The following OR10D3 variants were observed in gnomAD, a reference collection of about 807,000 sequenced individuals.
OR10D3 encodes olfactory receptor family 10 subfamily D member 3, also known as olfactory receptor 10D3.
For synonymous variants in OR10D3, 100 were observed against 57.6 expected (o/e 1.74, Z -3.33); for missense variants, 286 against 153.7 (o/e 1.86, Z -4.55).
exon 2 of OR10D3, chr11:124,185,925 C>G (rs757704517): frequency 2.3e-5 from 16 of 703,132 alleles, no homozygotes; most frequent in Middle Eastern, 2.3e-4. Context: ...TTATCCTACA[C>G]TAGAATCACA....
exon 2 of OR10D3, chr11:124,185,583 A>G: frequency 1.4e-6 from 1 of 703,136 alleles, no homozygotes; most frequent in Non-Finnish European, 2.6e-6. Context: ...TTCTTCTTCC[A>G]TTTCCTCGGG....
exon 2 of OR10D3, chr11:124,185,582 C>T (rs1459582839): frequency 2.8e-6 from 2 of 703,534 alleles, no homozygotes; most frequent in South Asian, 3.0e-5. Context: ...TTTCTTCTTC[C>T]ATTTCCTCGG....
chr11:124,188,565 A>G (rs1048545672), exon 2 of OR10D3: 11 of 152,182 alleles, frequency 7.2e-5, no homozygotes, highest in Admixed American at 3.3e-4. Flanking sequence ...GCAGCTCACA[A>G]TCCTCTCTCT....
chr11:124,186,429 T>C, exon 2 of OR10D3: 1 of 386,132 alleles, frequency 2.6e-6, no homozygotes, highest in Non-Finnish European at 4.6e-6. Context: ...TATAGTCTTG[T>C]TTATTGTTAC....
chr11:124,184,763 T>C (rs1861200352), intron 1 of OR10D3, among the ~76,000 whole-genome samples: 1 of 152,218 alleles, frequency 6.6e-6, no homozygotes, highest in Non-Finnish European at 1.5e-5. Flanking sequence ...TATAAGTGTT[T>C]TGAACTGCAA....
exon 2 of OR10D3, chr11:124,186,252 T>C (rs1449399571): frequency 6.3e-6 from 4 of 634,246 alleles, no homozygotes; most frequent in Non-Finnish European, 1.1e-5. Context: ...TTCCTTTTGC[T>C]TTGACCTAAG....
exon 2 of OR10D3, chr11:124,185,792 G>T: frequency 1.4e-6 from 1 of 703,692 alleles, no homozygotes. Context: ...CAATGAAGTG[G>T]ATCACTTCTT....
chr11:124,186,387 A>C (rs1861226433), exon 2 of OR10D3: 2 of 481,104 alleles, frequency 4.2e-6, no homozygotes, highest in Admixed American at 7.4e-5. Flanking sequence ...TTTATTGTCT[A>C]GGTTCTGCCT....
chr11:124,186,032 A>G (rs1239727879), exon 2 of OR10D3: 2 of 703,436 alleles, frequency 2.8e-6, no homozygotes, highest in Admixed American at 2.0e-5. Context: ...CTATGGGCCC[A>G]TCATCACTGT....
chr11:124,183,520 T>G, intron 1 of OR10D3, 137 bp downstream of exon 1: 1 of 133,986 alleles, frequency 7.5e-6, no homozygotes, highest in African/African-American at 2.8e-5. Flanking sequence ...CCTTCCTTCC[T>G]TCCCTCCCTC....
chr11:124,188,405 A>C, exon 2 of OR10D3: 1 of 152,374 alleles, frequency 6.6e-6, no homozygotes, highest in East Asian at 1.9e-4. Flanking sequence ...CTTGAAAGAA[A>C]GCTCTGTCTC....
At chr11:124,183,568 C>CCCTCCT (rs1298552416) in intron 1 of OR10D3, among the ~76,000 whole-genome samples, 185 bp downstream of exon 1, 1 of 135,560 alleles carries the variant, frequency 7.4e-6, no homozygotes, top group Non-Finnish European at 1.6e-5. Context: ...CCTTCCCTCC[C>CCCTCCT]TCCCTCCCTC....
chr11:124,183,559 C>CG (rs1861187845), intron 1 of OR10D3, among the ~76,000 whole-genome samples, 176 bp downstream of exon 1: 1 of 130,608 alleles, frequency 7.7e-6, no homozygotes. Context: ...TCCTTCCCTC[C>CG]TTCCCTCCCT....
exon 2 of OR10D3, chr11:124,188,694 C>T (rs1009937764): frequency 2.0e-5 from 3 of 152,204 alleles, no homozygotes; most frequent in African/African-American, 7.2e-5. Flanking sequence ...CAGAGCCCCT[C>T]CCTGGCCCCA....
exon 2 of OR10D3, chr11:124,186,128 A>T: frequency 1.4e-6 from 1 of 703,044 alleles, no homozygotes; most frequent in Admixed American, 2.0e-5. Flanking sequence ...GAACCCTTTG[A>T]TCTATACCTT....
chr11:124,185,223 T>G (rs535587433), intron 1 of OR10D3, 36 bp from the exon 2 acceptor site: 1 of 658,662 alleles, frequency 1.5e-6, no homozygotes, highest in African/African-American at 1.8e-5. Context: ...AGCCAAGGCA[T>G]TCTTCCATGT....
chr11:124,185,135 T>G, intron 1 of OR10D3, 124 bp from the exon 2 acceptor site: 1 of 596,026 alleles, frequency 1.7e-6, no homozygotes, highest in Middle Eastern at 4.4e-4. Context: ...CAAGCAGCCT[T>G]TCCATAACTT....
At chr11:124,183,765 G>T (rs1861189836) in intron 1 of OR10D3, among the ~76,000 whole-genome samples, 2 of 151,988 alleles carry the variant, frequency 1.3e-5, no homozygotes, top group Admixed American at 1.3e-4. Flanking sequence ...GGAAAATTTG[G>T]AGTCCTCAGT....
At chr11:124,183,422 CTT>C (rs1284494360) in intron 1 of OR10D3, 39 bp downstream of exon 1, 4 of 75,876 alleles carry the variant, frequency 5.3e-5, no homozygotes, top group African/African-American at 1.0e-4. Context: ...CTTTCTCTCT[CTT>C]TCTTTCTCTC....
Sources: gnomAD v4.1 joint callset for allele counts (sites outside exome capture counted in the v4.1 genomes callset) on GRCh38, gnomAD v4.1.1 for gene constraint, MANE v1.5 for transcripts, NCBI Gene and HGNC (gene_info 2026-07-23, HGNC 2026-07-21) for gene names.